BDP1: variants seen among roughly 807,000 people sequenced by gnomAD.
BDP1 encodes BDP1 general transcription factor IIIB subunit.
Under a neutral mutation model 266.6 loss-of-function variants are expected in BDP1, and 169 were observed. The observed-to-expected ratio is 0.63, with a 90% CI of 0.56 to 0.72. BDP1 has a LOEUF of 0.72. Ranked by LOEUF, BDP1 falls within the 30% of genes least tolerant of loss-of-function variation. BDP1 has a pLI of 0.00. For synonymous variants in BDP1, 1,090 were observed against 1,022.4 expected (o/e 1.07, Z -1.26); for missense variants, 3,015 against 3,053.8 (o/e 0.99, Z 0.30).
chr5:71,457,651 C>T (rs1761283157), intron 1 of BDP1, among the ~76,000 whole-genome samples: 1 of 151,996 alleles, frequency 6.6e-6, no homozygotes, highest in Non-Finnish European at 1.5e-5. Flanking sequence ...AGTTGTAAAA[C>T]TCTATAGGAT....
At chr5:71,458,049 G>A (rs1177101951) in intron 1 of BDP1, among the ~76,000 whole-genome samples, 1 of 152,120 alleles carries the variant, frequency 6.6e-6, no homozygotes, top group Non-Finnish European at 1.5e-5. Flanking sequence ...ATTGGGTTTG[G>A]CTACTGTAAC....
At chr5:71,500,873 G>A (rs1341283782) in intron 13 of BDP1, among the ~76,000 whole-genome samples, 1 of 151,970 alleles carries the variant, frequency 6.6e-6, no homozygotes, top group Non-Finnish European at 1.5e-5. Context: ...GCTGAGGCGG[G>A]CTAATCACCT....
chr5:71,577,794 T>A, the BDP1 span, among the ~76,000 whole-genome samples: 1 of 152,214 alleles, frequency 6.6e-6, no homozygotes, highest in African/African-American at 2.4e-5. Context: ...GTTCTTGGAA[T>A]AATGTTGTTT....
rs189853033 is a variant in BDP1, at chr5:71,472,387, G to T, written c.1014+1898G>T. Among the ~76,000 whole-genome samples the T allele has an allele frequency of 3.9e-5, 6 of 152,314 alleles. No individual in the cohort carries two copies. In the East Asian group the frequency reaches 9.6e-4, roughly 24 times the overall value. ...GAGGAAGGAGAATCGCCTGAACCCGGGAGGTGGAGGTTGCAGTGAGCTGAG... is the reference window on the plus strand; with the variant it reads ...GAGGAAGGAGAATCGCCTGAACCCGTGAGGTGGAGGTTGCAGTGAGCTGAG... On this transcript the variant is annotated intron_variant, in intron 7 of 38. Coordinates refer to ENST00000358731, the MANE Select transcript of BDP1 (RefSeq NM_018429.3).
intron 30 of BDP1, 142 bp from the exon 31 acceptor site, chr5:71,544,215 G>A (rs1330227512): frequency 1.4e-6 from 1 of 696,120 alleles, no homozygotes; most frequent in Non-Finnish European, 2.4e-6. Context: ...TCTGCCATGT[G>A]TATAAGCCTG....
In BDP1 at chr5:71,539,664, T is replaced by C; in HGVS notation, c.6022+15T>C. ...ACAGGGTGATGGTAAGAATGAAAGC[T>C]AAGTCCTATCAAAAATAGAAACTTT... On this transcript the variant is annotated intron_variant, in intron 28 of 38. Coordinates refer to ENST00000358731, the MANE Select transcript of BDP1 (RefSeq NM_018429.3). 1.3e-6 allele frequency: 2 copies of C among 1,554,528 alleles called. No individual in the cohort carries two copies. The highest frequency in any genetic ancestry group is 2.3e-5 in the South Asian group (2 of 85,734).
chr5:71,564,574 A>G (rs1743908357), intron 38 of BDP1, among the ~76,000 whole-genome samples, 180 bp from the exon 39 acceptor site: 1 of 152,148 alleles, frequency 6.6e-6, no homozygotes. Context: ...TACTTAATGT[A>G]ACAGCATAGA....
intron 34 of BDP1, among the ~76,000 whole-genome samples, chr5:71,552,814 G>A (rs1051515888): frequency 6.6e-6 from 1 of 152,192 alleles, no homozygotes; most frequent in African/African-American, 2.4e-5. Flanking sequence ...ACCGTGGAAA[G>A]AGAGGGAGAG....
chr5:71,523,795 TCACA>T, intron 24 of BDP1, 140 bp from the exon 25 acceptor site: 1 of 777,398 alleles, frequency 1.3e-6, no homozygotes, highest in Non-Finnish European at 2.0e-6. Flanking sequence ...TTTTTTATTT[TCACA>T]GCATAAGATT....
At chr5:71,514,148 T>C (rs1765095170) in intron 19 of BDP1, among the ~76,000 whole-genome samples, 1 of 152,188 alleles carries the variant, frequency 6.6e-6, no homozygotes, top group Admixed American at 6.5e-5. Context: ...TTGTGTGACA[T>C]ACCATCAAAA....
chr5:71,492,826 G>A (rs1276152886), intron 11 of BDP1, among the ~76,000 whole-genome samples: 3 of 152,092 alleles, frequency 2.0e-5, no homozygotes, highest in Non-Finnish European at 2.9e-5. Flanking sequence ...ACTTAAAGCT[G>A]TTTACTATTT....
chr5:71,561,147 A>G (rs1027756441), intron 37 of BDP1, among the ~76,000 whole-genome samples: 1 of 151,460 alleles, frequency 6.6e-6, no homozygotes, highest in African/African-American at 2.4e-5. Flanking sequence ...CATGCCTGTA[A>G]TCCCAGCACT....
chr5:71,542,292 C>A, intron 30 of BDP1, 27 bp downstream of exon 30: 1 of 1,555,466 alleles, frequency 6.4e-7, no homozygotes, highest in Non-Finnish European at 8.7e-7. Flanking sequence ...TAATATGTTG[C>A]AAAATCATTT....
chr5:71,472,491 A>G (rs1159245546), intron 7 of BDP1, among the ~76,000 whole-genome samples: 1 of 152,190 alleles, frequency 6.6e-6, no homozygotes, highest in Non-Finnish European at 1.5e-5. Flanking sequence ...ATTTAAAGCT[A>G]CTGAATTACA....
chr5:71,480,549 C>T (rs1251984127), intron 7 of BDP1, among the ~76,000 whole-genome samples: 6 of 144,276 alleles, frequency 4.2e-5, no homozygotes, highest in Non-Finnish European at 9.0e-5. Context: ...GGATTATAGG[C>T]GTGAGCCACT....
At chr5:71,511,949 T>C (rs1037213986) in intron 17 of BDP1, among the ~76,000 whole-genome samples, 4 of 152,120 alleles carry the variant, frequency 2.6e-5, no homozygotes, top group African/African-American at 9.6e-5. Flanking sequence ...TTTTTGTTTT[T>C]TCAAGTTACT....
In BDP1 at chr5:71,560,090, G is replaced by T. The variant is rs544031248; in HGVS notation, c.7349G>T (p.Arg2450Ile). The T allele has an allele frequency of 3.7e-6, 6 of 1,614,104 alleles. No individual in the cohort carries two copies. The East Asian group carries it at 1.3e-4, about 36-fold the overall frequency. ...VEAAFQSRGS[R>I]SPDACMDKNV... ...GCAGCTTTTCAGAGTAGAGGATCTA[G>T]ATCTCCTGATGCATGCATGGACAAG... is the stretch of plus-strand genomic sequence containing the variant. The change falls in exon 37 of 39, where the codon AGA (arginine) becomes ATA (isoleucine). Residue 2450 changes from arginine to isoleucine, a missense_variant. Arg to Ile is a moderately conservative substitution (Grantham distance 97). This residue lies in a region of BDP1 where 629 missense variants were observed against 632.5 expected (regional missense o/e 0.99). Coordinates refer to ENST00000358731, the MANE Select transcript of BDP1 (RefSeq NM_018429.3).
chr5:71,481,090 C>T (rs1403912385), intron 7 of BDP1, among the ~76,000 whole-genome samples: 1 of 151,890 alleles, frequency 6.6e-6, no homozygotes, highest in Non-Finnish European at 1.5e-5. Flanking sequence ...AGGAGAATGG[C>T]ATGAACCCGG....
At chr5:71,553,926 T>A (rs979921158) in intron 35 of BDP1, among the ~76,000 whole-genome samples, 14 of 152,154 alleles carry the variant, frequency 9.2e-5, no homozygotes, top group Non-Finnish European at 1.9e-4. Context: ...CATACAGACT[T>A]CTTTAGTTCA....
Sources: allele counts gnomAD v4.1 joint callset (sites outside exome capture counted in the v4.1 genomes callset), GRCh38; gene constraint gnomAD v4.1.1; regional missense constraint gnomAD v4.1.1; transcripts MANE v1.5; gene names NCBI Gene and HGNC (gene_info 2026-07-23, HGNC 2026-07-21).